CNTNAP3B: variants seen among roughly 807,000 people sequenced by gnomAD.
The protein encoded by CNTNAP3B is contactin associated protein family member 3B.
A neutral mutation model predicts 108.9 loss-of-function variants in CNTNAP3B; 25 were observed. That is an observed-to-expected ratio of 0.23 (90% CI 0.17 to 0.32). The LOEUF is 0.32. Among genes scored for constraint, CNTNAP3B ranks in the 10% least tolerant of loss-of-function variants. CNTNAP3B has a pLI of 1.00. For synonymous variants in CNTNAP3B, 103 were observed against 473.4 expected (o/e 0.22, Z 10.16); for missense variants, 252 against 1,210.4 (o/e 0.21, Z 11.75).
At chr9:41,961,425 T>C (rs1825087901) in intron 11 of CNTNAP3B, among the ~76,000 whole-genome samples, 1 of 152,302 alleles carries the variant, frequency 6.6e-6, no homozygotes, top group Non-Finnish European at 1.5e-5. Flanking sequence ...CATGGTTCTT[T>C]TCAAACTCAT....
chr9:42,044,406 C>CTCATTGTTTTGGGCCTACAAAT (rs1826825677), intron 3 of CNTNAP3B, among the ~76,000 whole-genome samples: 1 of 148,858 alleles, frequency 6.7e-6, no homozygotes, highest in Non-Finnish European at 1.5e-5. Context: ...TCTGAGTTGT[C>CTCATTGTTTTGGGCCTACAAAT]ACCATCAAAA....
At chr9:41,935,094 C>T (rs1450439631) in intron 14 of CNTNAP3B, among the ~76,000 whole-genome samples, 7 of 152,270 alleles carry the variant, frequency 4.6e-5, no homozygotes, top group African/African-American at 1.7e-4. Flanking sequence ...CATTTATACA[C>T]ATATATTGAC....
chr9:42,089,468 C>T lies in CNTNAP3B; in HGVS notation c.197-12406G>A, dbSNP rs1486260682. On this transcript the variant is annotated intron_variant, in intron 2 of 23. Coordinates refer to ENST00000377561, the MANE Select transcript of CNTNAP3B (RefSeq NM_001201380.3). ...GTTAAAGATCGCATACTATAACAAA[C>T]CATTTGTGGGTCATTTCCCCAATGT... is the stretch of plus-strand genomic sequence containing the variant. Among the ~76,000 whole-genome samples the T allele has an allele frequency of 2.1e-3, 287 of 137,952 alleles. 1 individual carries two copies. The highest frequency in any genetic ancestry group is 1.2e-3 in the Non-Finnish European group (76 of 64,520). 90.5% of individuals were successfully genotyped at this position (137,952 alleles called of 152,430 possible).
At chr9:41,936,592 CATT>C (rs1824163702) in intron 14 of CNTNAP3B, among the ~76,000 whole-genome samples, 1 of 152,188 alleles carries the variant, frequency 6.6e-6, no homozygotes. Context: ...CACATCATCA[CATT>C]ATCATACCAG....
intron 10 of CNTNAP3B, among the ~76,000 whole-genome samples, chr9:41,965,687 C>T (rs1394376049): frequency 6.6e-6 from 1 of 152,020 alleles, no homozygotes; most frequent in Non-Finnish European, 1.5e-5. Flanking sequence ...GCGGGGAGCA[C>T]CCAAGTGCCC....
rs746748029 is a variant in CNTNAP3B, at chr9:42,036,504, C to G, written c.391-22979G>C. ...GGCAGCAGCGAGACTAGGGGAGGAG[C>G]GCCCGCCATTGCTGAGGCTTGAGTA... On this transcript the variant is annotated intron_variant, in intron 3 of 23. Coordinates refer to ENST00000377561, the MANE Select transcript of CNTNAP3B (RefSeq NM_001201380.3). Among the ~76,000 whole-genome samples the G allele has an allele frequency of 3.6e-5, 5 of 137,144 alleles. 1 individual carries two copies. Among genetic ancestry groups the G allele is most frequent in the Non-Finnish European group, 7.8e-5 (5 of 64,330 alleles). The allele number at this position is 137,144 out of a possible 152,430, so 90.0% of individuals were successfully genotyped here. A position where few individuals can be genotyped will look rare whatever the true frequency, so the allele number is the denominator to read the frequency against.
At position 42,030,813 on chromosome 9, in the gene CNTNAP3B, G is replaced by GAGAGAGAGA. The variant is rs1156882673; in HGVS notation, c.391-17289_391-17288insTCTCTCTCT. On this transcript the variant is annotated intron_variant, in intron 3 of 23. Transcript: ENST00000377561. ...TGTGCGAGAGAGAGAGAGAGAGAGA[G>GAGAGAGAGA]GAGAGAGAGAGAGAGAGAGAGAGAG... Among the ~76,000 whole-genome samples, 530 of 65,768 alleles carry GAGAGAGAGA rather than the reference G, an allele frequency of 8.1e-3. 76 individuals are homozygous for GAGAGAGAGA. The highest frequency in any genetic ancestry group is 0.021 in the South Asian group (37 of 1,730). 43.1% of individuals were successfully genotyped at this position (65,768 alleles called of 152,430 possible). A position where few individuals can be genotyped will look rare whatever the true frequency, so the allele number is the denominator to read the frequency against.
At chr9:42,117,551 T>A (rs553812145) in intron 1 of CNTNAP3B, among the ~76,000 whole-genome samples, 1 of 140,582 alleles carries the variant, frequency 7.1e-6, no homozygotes, top group Non-Finnish European at 1.5e-5. Flanking sequence ...TTTATAGCAC[T>A]AAATGCCCAC....
intron 10 of CNTNAP3B, among the ~76,000 whole-genome samples, chr9:41,969,638 G>A (rs549189149): frequency 8.5e-5 from 13 of 152,254 alleles, no homozygotes; most frequent in African/African-American, 2.9e-4. Context: ...TTTGTTTTGA[G>A]ACCGAGTCTC....
intron 2 of CNTNAP3B, among the ~76,000 whole-genome samples, chr9:42,096,082 C>T (rs1827892746): frequency 7.2e-6 from 1 of 139,486 alleles, no homozygotes; most frequent in Admixed American, 7.1e-5. Flanking sequence ...TGGGGCTGTC[C>T]TCACCGGCCA....
At chr9:42,017,066 T>C (rs1237675810) in intron 3 of CNTNAP3B, among the ~76,000 whole-genome samples, 6 of 149,744 alleles carry the variant, frequency 4.0e-5, no homozygotes, top group Non-Finnish European at 5.9e-5. Flanking sequence ...AAATGATCAG[T>C]TTTCATAACA....
chr9:42,086,247 C>T (rs1304594586), intron 2 of CNTNAP3B, among the ~76,000 whole-genome samples: 1 of 141,814 alleles, frequency 7.1e-6, no homozygotes, highest in African/African-American at 2.8e-5. Context: ...GGGGAAACCG[C>T]CCCCATGATT....
rs200483365 is a variant in CNTNAP3B, at chr9:42,090,840, T to TACACAC, written c.196+13783_197-13779dup. Among the ~76,000 whole-genome samples the TACACAC allele has an allele frequency of 2.7e-5, 2 of 75,268 alleles. 1 individual carries two copies. Among genetic ancestry groups the TACACAC allele is most frequent in the African/African-American group, 1.0e-4 (2 of 19,552 alleles). The allele number at this position is 75,268 out of a possible 152,430, so 49.4% of individuals were successfully genotyped here. On this transcript the variant is annotated intron_variant, in intron 2 of 23. Transcript: ENST00000377561. ...ATATGTATATATTCCTGCAACTGAA[T>TACACAC]ACACACACACACACACACACACACA...
At chr9:41,939,593 C>G (rs1286187477) in intron 13 of CNTNAP3B, among the ~76,000 whole-genome samples, 1 of 152,288 alleles carries the variant, frequency 6.6e-6, no homozygotes, top group African/African-American at 2.4e-5. Context: ...AAGCTTGTCA[C>G]TACAACGTAA....
chr9:42,079,353 C>T (rs905601215), intron 2 of CNTNAP3B, among the ~76,000 whole-genome samples: 4 of 133,538 alleles, frequency 3.0e-5, no homozygotes, highest in African/African-American at 9.0e-5. Context: ...CTGTTGACTC[C>T]ACCAGATCTA....
At chr9:41,967,947 G>A (rs1422938970) in intron 10 of CNTNAP3B, among the ~76,000 whole-genome samples, 2 of 152,218 alleles carry the variant, frequency 1.3e-5, no homozygotes, top group African/African-American at 4.8e-5. Flanking sequence ...ATGTTTACAA[G>A]TAACTTTGGG....
intron 8 of CNTNAP3B, among the ~76,000 whole-genome samples, chr9:41,988,415 A>AT (rs1308112415): frequency 8.0e-6 from 1 of 124,270 alleles, no homozygotes; most frequent in African/African-American, 3.2e-5. Flanking sequence ...CGCCTGGCTA[A>AT]TTTTTTTGTA....
chr9:41,918,598 G>T (rs1823580270), intron 18 of CNTNAP3B, among the ~76,000 whole-genome samples: 1 of 142,410 alleles, frequency 7.0e-6, no homozygotes, highest in South Asian at 2.2e-4. Context: ...ATTCTTATTA[G>T]ATTAGGTAAT....
At chr9:42,063,251 T>G (rs1587240594) in intron 3 of CNTNAP3B, among the ~76,000 whole-genome samples, 2 of 128,402 alleles carry the variant, frequency 1.6e-5, no homozygotes, top group Non-Finnish European at 3.3e-5. Context: ...TGACTTTGTG[T>G]GTGTGTGTCT....
Sources: allele counts gnomAD v4.1 joint callset (sites outside exome capture counted in the v4.1 genomes callset), GRCh38; gene constraint gnomAD v4.1.1; transcripts MANE v1.5; gene names NCBI Gene and HGNC (gene_info 2026-07-23, HGNC 2026-07-21).